The following EXOC3L2 variants were observed in gnomAD, a reference collection of about 807,000 sequenced individuals.
EXOC3L2 encodes the protein exocyst complex component 3-like protein 2.
EXOC3L2 carries 17 observed loss-of-function variants against 44.4 expected under a neutral mutation model. That is an observed-to-expected ratio of 0.38 (90% CI 0.26 to 0.57). The LOEUF (loss-of-function observed/expected upper bound fraction) is 0.57. EXOC3L2 is among the 20% of genes least tolerant of loss of function. The pLI is 0.65. For missense variants in EXOC3L2, 541 were observed against 588.4 expected (o/e 0.92, Z 0.83); for synonymous variants, 256 against 253.7 (o/e 1.01, Z -0.09).
intron 9 of EXOC3L2, 66 bp downstream of exon 9, chr19:45,218,131 C>T: frequency 7.3e-7 from 1 of 1,364,334 alleles, no homozygotes; most frequent in Non-Finnish European, 9.8e-7. Flanking sequence ...TCTTCCCGTC[C>T]CTTTCCCCTT....
chr19:45,241,235 A>G (rs1407680984), intron 1 of EXOC3L2, among the ~76,000 whole-genome samples: 8 of 152,184 alleles, frequency 5.3e-5, no homozygotes, highest in African/African-American at 1.9e-4. Flanking sequence ...TCACGCCTGT[A>G]ATCCCAGCAC....
intron 1 of EXOC3L2, among the ~76,000 whole-genome samples, chr19:45,243,984 C>A (rs1243323434): frequency 2.0e-5 from 3 of 151,954 alleles, no homozygotes; most frequent in African/African-American, 7.3e-5. Context: ...AGTGCAGTGG[C>A]ATGGTCTCGG....
At chr19:45,221,400 A>G (rs12978617) in intron 8 of EXOC3L2, among the ~76,000 whole-genome samples, 17,363 of 151,584 alleles carry the variant, frequency 0.11, 1,100 homozygotes, top group African/African-American at 0.17. Flanking sequence ...TCGCCAGGCT[A>G]GGGTGCAGTG....
intron 8 of EXOC3L2, among the ~76,000 whole-genome samples, chr19:45,222,236 G>A (rs150579197): frequency 2.2e-5 from 3 of 138,340 alleles, no homozygotes; most frequent in Non-Finnish European, 3.0e-5. Flanking sequence ...GTCTCACTCT[G>A]TCGCCCAGGC....
At chr19:45,225,272 CTT>C (rs1020532502) in intron 7 of EXOC3L2, among the ~76,000 whole-genome samples, 15 of 142,412 alleles carry the variant, frequency 1.1e-4, no homozygotes, top group Admixed American at 1.4e-4. Context: ...GTCTGTGGTT[CTT>C]TTTTTTTTTT....
intron 6 of EXOC3L2, 26 bp downstream of exon 6, chr19:45,227,948 T>G: frequency 3.1e-6 from 5 of 1,606,162 alleles, no homozygotes; most frequent in Non-Finnish European, 4.3e-6. Context: ...CCAGCAGAGC[T>G]AACCTGTGCT....
intron 1 of EXOC3L2, among the ~76,000 whole-genome samples, chr19:45,239,517 C>G (rs1489173987): frequency 7.5e-6 from 1 of 134,136 alleles, no homozygotes; most frequent in African/African-American, 2.7e-5. Context: ...CGCCTTGCCT[C>G]TTTTTTTTTT....
intron 8 of EXOC3L2, among the ~76,000 whole-genome samples, chr19:45,220,219 T>C (rs1365508201): frequency 1.3e-5 from 2 of 151,448 alleles, no homozygotes; most frequent in African/African-American, 4.9e-5. Flanking sequence ...CAGTGGCTCA[T>C]GCCTGTAATC....
intron 1 of EXOC3L2, among the ~76,000 whole-genome samples, chr19:45,241,403 G>A (rs985597637): frequency 6.6e-6 from 1 of 151,442 alleles, no homozygotes; most frequent in Non-Finnish European, 1.5e-5. Flanking sequence ...GCATGAACGC[G>A]GAAGGCGGAG....
At chr19:45,232,825 C>T (rs1290035634) in intron 3 of EXOC3L2, among the ~76,000 whole-genome samples, 4 of 152,280 alleles carry the variant, frequency 2.6e-5, no homozygotes, top group Middle Eastern at 3.4e-3. Context: ...CACCTGTAAT[C>T]GAAGCACTTT....
intron 4 of EXOC3L2, among the ~76,000 whole-genome samples, chr19:45,230,101 T>C (rs1233765418): frequency 6.6e-6 from 1 of 152,072 alleles, no homozygotes; most frequent in Non-Finnish European, 1.5e-5. Context: ...CATGGCTCAC[T>C]GCAGCCTCAC....
chr19:45,244,173 A>G (rs1405245824), intron 1 of EXOC3L2, among the ~76,000 whole-genome samples: 2 of 151,956 alleles, frequency 1.3e-5, no homozygotes, highest in African/African-American at 4.8e-5. Context: ...CACCTGCCCC[A>G]GCCTCCCAAA....
intron 9 of EXOC3L2, 70 bp from the exon 10 acceptor site, chr19:45,217,753 A>G: frequency 1.5e-6 from 2 of 1,376,558 alleles, no homozygotes; most frequent in Non-Finnish European, 1.9e-6. Flanking sequence ...GCCAGTCTGA[A>G]GGCCACCCCC....
intron 11 of EXOC3L2, among the ~76,000 whole-genome samples, chr19:45,215,142 AAAAAC>A (rs1290829353): frequency 6.6e-6 from 1 of 152,076 alleles, no homozygotes; most frequent in Non-Finnish European, 1.5e-5. Context: ...CTCTGTCTCA[AAAAAC>A]AAAACAAAAC....
intron 1 of EXOC3L2, among the ~76,000 whole-genome samples, chr19:45,239,466 T>A (rs536410049): frequency 6.6e-6 from 1 of 151,906 alleles, no homozygotes; most frequent in Admixed American, 6.6e-5. Context: ...TCCACCTGCC[T>A]CGGCCTCCCA....
At chr19:45,236,094 T>A (rs1237806219) in intron 2 of EXOC3L2, among the ~76,000 whole-genome samples, 1 of 139,578 alleles carries the variant, frequency 7.2e-6, no homozygotes, top group Non-Finnish European at 1.5e-5. Flanking sequence ...GAGGCAAGAA[T>A]GACATTGGGG....
At chr19:45,218,170 ACCTCC>A in intron 9 of EXOC3L2, 22 bp downstream of exon 9, 2 of 438,368 alleles carry the variant, frequency 4.6e-6, no homozygotes, top group Non-Finnish European at 6.2e-6. Flanking sequence ...CCCCACCCCC[ACCTCC>A]CCTCCCCTCA....
intron 2 of EXOC3L2, among the ~76,000 whole-genome samples, chr19:45,236,773 G>A (rs1289298427): frequency 6.6e-6 from 1 of 151,932 alleles, no homozygotes; most frequent in Non-Finnish European, 1.5e-5. Flanking sequence ...GAGGCGGGTG[G>A]ATCACCTGAG....
rs115302949 is a variant in EXOC3L2, at chr19:45,216,045, G to A, written c.2120+28C>T. ...CCAGGAGACCTCGGCCAGGCACGGCGAGCCCTGGCCCAGGCGGGGTGTCTC... is the reference window on the plus strand; with the variant it reads ...CCAGGAGACCTCGGCCAGGCACGGCAAGCCCTGGCCCAGGCGGGGTGTCTC... On this transcript the variant is annotated intron_variant, in intron 11 of 11. Coordinates refer to ENST00000413988, the MANE Select transcript of EXOC3L2 (RefSeq NM_001382422.1). The A allele has an allele frequency of 3.3e-3, 5,283 of 1,611,110 alleles. 148 individuals are homozygous for A. The African/African-American group carries it at 0.061, about 18-fold the overall frequency.
Sources: gnomAD v4.1 joint callset for allele counts (sites outside exome capture counted in the v4.1 genomes callset) on GRCh38, gnomAD v4.1.1 for gene constraint, MANE v1.5 for transcripts, NCBI Gene and HGNC (gene_info 2026-07-23, HGNC 2026-07-21) for gene names.